The following ADAMTSL1 variants were observed in gnomAD, a reference collection of about 807,000 sequenced individuals.
The protein encoded by ADAMTSL1 is ADAMTS-like protein 1.
In ADAMTSL1, 126 loss-of-function variants were observed where a neutral mutation model predicts 201.8. The ratio of observed to expected loss-of-function variants is 0.62; its 90% confidence interval spans 0.54 to 0.72. The LOEUF is 0.72. Among genes scored for constraint, ADAMTSL1 ranks in the 30% least tolerant of loss-of-function variants. The pLI is 0.00. For missense variants in ADAMTSL1, 2,679 were observed against 2,277.8 expected (o/e 1.18, Z -3.59); for synonymous variants, 1,121 against 903.4 (o/e 1.24, Z -4.32).
At chr9:18,853,312 G>A (rs1488830016) in intron 23 of ADAMTSL1, among the ~76,000 whole-genome samples, 5 of 152,206 alleles carry the variant, frequency 3.3e-5, no homozygotes, top group Admixed American at 2.6e-4. Context: ...TGGGATACCA[G>A]CGTTTTAGTA....
At chr9:18,655,819 A>AAAAAAAATAAATAAAAAT (rs1828613915) in intron 7 of ADAMTSL1, among the ~76,000 whole-genome samples, 1 of 101,044 alleles carries the variant, frequency 9.9e-6, no homozygotes, top group Non-Finnish European at 2.5e-5. Context: ...AAAAAAAAAA[A>AAAAAAAATAAATAAAAAT]AAAAAAAAAA....
chr9:18,122,799 G>T (rs1307927943), intron 1 of ADAMTSL1, among the ~76,000 whole-genome samples: 2 of 151,858 alleles, frequency 1.3e-5, no homozygotes, highest in African/African-American at 4.8e-5. Context: ...TGTTTTTTTG[G>T]GGACTAGGTC....
At chr9:17,996,364 G>A (rs1167045648) in intron 1 of ADAMTSL1, among the ~76,000 whole-genome samples, 1 of 152,008 alleles carries the variant, frequency 6.6e-6, no homozygotes, top group Non-Finnish European at 1.5e-5. Context: ...GAGAGAAGAT[G>A]GGTTTGGGGA....
intron 7 of ADAMTSL1, among the ~76,000 whole-genome samples, chr9:18,644,016 G>A (rs1827617344): frequency 6.6e-6 from 1 of 151,802 alleles, no homozygotes; most frequent in South Asian, 2.1e-4. Flanking sequence ...CATAACACAT[G>A]ATATCTTTCC....
In ADAMTSL1 at chr9:18,707,313, T is replaced by C. The variant is rs572416790; in HGVS notation, c.1876+265T>C. Among the ~76,000 whole-genome samples, 3 of 152,340 alleles carry C rather than the reference T, an allele frequency of 2.0e-5. No homozygotes were observed. In the South Asian group the frequency reaches 6.2e-4, roughly 32 times the overall value. ...GTTGTCATTCTGATGTCTTGCAACA[T>C]ATCATCGTGTATCTGGCTGAGAAAC... On this transcript the variant is annotated intron_variant, in intron 14 of 28. Coordinates refer to ENST00000380548, the MANE Select transcript of ADAMTSL1 (RefSeq NM_001040272.6).
At chr9:18,456,204 T>A (rs937896083) in intron 2 of ADAMTSL1, among the ~76,000 whole-genome samples, 7 of 152,218 alleles carry the variant, frequency 4.6e-5, no homozygotes, top group Admixed American at 4.6e-4. Flanking sequence ...AAGTTTTTCA[T>A]ACTCCTTTGA....
intron 1 of ADAMTSL1, among the ~76,000 whole-genome samples, chr9:17,929,677 T>C (rs1381834109): frequency 1.3e-5 from 2 of 152,174 alleles, no homozygotes; most frequent in African/African-American, 4.8e-5. Context: ...GGAGGTCTCT[T>C]TCCTTTATTT....
intron 19 of ADAMTSL1, chr9:18,793,241 G>A (rs1212658564): frequency 6.6e-6 from 1 of 152,204 alleles, no homozygotes; most frequent in Non-Finnish European, 1.5e-5. Context: ...TCTACTTCCT[G>A]CCTTTCCTCT....
intron 1 of ADAMTSL1, among the ~76,000 whole-genome samples, chr9:18,125,204 C>T (rs564198225): frequency 4.6e-5 from 7 of 152,240 alleles, no homozygotes; most frequent in East Asian, 3.9e-4. Context: ...GAGCAAGTCG[C>T]CTCTTACACG....
At chr9:18,393,613 CCTT>C (rs1817624444) in intron 2 of ADAMTSL1, among the ~76,000 whole-genome samples, 2 of 152,330 alleles carry the variant, frequency 1.3e-5, no homozygotes, top group African/African-American at 4.8e-5. Flanking sequence ...ACCCTAGTAA[CCTT>C]CTACCCTGTT....
At chr9:17,999,839 G>A (rs1006472352) in intron 1 of ADAMTSL1, among the ~76,000 whole-genome samples, 1 of 149,694 alleles carries the variant, frequency 6.7e-6, no homozygotes, top group African/African-American at 2.5e-5. Context: ...CCACCTATGA[G>A]TGAGAATATG....
At chr9:18,710,017 T>C (rs1832463303) in intron 14 of ADAMTSL1, among the ~76,000 whole-genome samples, 1 of 152,198 alleles carries the variant, frequency 6.6e-6, no homozygotes, top group South Asian at 2.1e-4. Flanking sequence ...ATTAGCTCTT[T>C]TGGAAAGAGC....
At chr9:18,030,886 C>T (rs746248004) in intron 1 of ADAMTSL1, among the ~76,000 whole-genome samples, 3 of 152,020 alleles carry the variant, frequency 2.0e-5, no homozygotes, top group Non-Finnish European at 4.4e-5. Flanking sequence ...TTATTTTTGT[C>T]TCACTGAGTT....
At chr9:18,111,114 C>T (rs1824986988) in intron 1 of ADAMTSL1, among the ~76,000 whole-genome samples, 1 of 152,098 alleles carries the variant, frequency 6.6e-6, no homozygotes, top group Non-Finnish European at 1.5e-5. Context: ...ATAACAGCAA[C>T]AAAAATTGAC....
chr9:18,671,151 G>A (rs780111098), intron 9 of ADAMTSL1, among the ~76,000 whole-genome samples: 21 of 152,108 alleles, frequency 1.4e-4, no homozygotes, highest in Non-Finnish European at 1.6e-4. Flanking sequence ...ATCCGTGGAC[G>A]CAGGACCCAT....
At chr9:18,592,039 C>G (rs961731078) in intron 4 of ADAMTSL1, among the ~76,000 whole-genome samples, 1 of 152,192 alleles carries the variant, frequency 6.6e-6, no homozygotes, top group Non-Finnish European at 1.5e-5. Context: ...TTCTGTTAAC[C>G]AATGCCGGCT....
At chr9:18,813,362 G>A (rs958568969) in intron 20 of ADAMTSL1, among the ~76,000 whole-genome samples, 7 of 152,188 alleles carry the variant, frequency 4.6e-5, no homozygotes, top group African/African-American at 1.4e-4. Context: ...TTTGTAAAGA[G>A]TGTCATTTGT....
chr9:18,229,809 C>A (rs1188266024), intron 2 of ADAMTSL1, among the ~76,000 whole-genome samples: 1 of 151,988 alleles, frequency 6.6e-6, no homozygotes, highest in Non-Finnish European at 1.5e-5. Context: ...AATTCTCCTG[C>A]CTCAGCCTCC....
chr9:18,732,575 T>C (rs1474799422), intron 15 of ADAMTSL1, among the ~76,000 whole-genome samples: 2 of 152,154 alleles, frequency 1.3e-5, no homozygotes, highest in Non-Finnish European at 1.5e-5. Flanking sequence ...AATGAGCCGC[T>C]GTGTCCCGAT....
Sources: allele counts gnomAD v4.1 joint callset (sites outside exome capture counted in the v4.1 genomes callset), GRCh38; gene constraint gnomAD v4.1.1; transcripts MANE v1.5; gene names NCBI Gene and HGNC (gene_info 2026-07-23, HGNC 2026-07-21).